Variants in DOCK1 observed in about 807,000 individuals in gnomAD.
The protein encoded by DOCK1 is dedicator of cytokinesis protein 1.
DOCK1 carries 138 observed loss-of-function variants against 262.7 expected under a neutral mutation model. That is an observed-to-expected ratio of 0.53 (90% CI 0.46 to 0.61). The LOEUF (loss-of-function observed/expected upper bound fraction) is 0.61. Among genes scored for constraint, DOCK1 ranks in the 20% least tolerant of loss-of-function variants. The probability of loss-of-function intolerance (pLI) is 0.00; values close to 1 mark genes in which losing one functional copy is unlikely to be tolerated. For synonymous variants in DOCK1, 866 were observed against 867.4 expected, an observed-to-expected ratio of 1.00 and a Z score of 0.03; for missense variants, 1,908 against 2,370.7, an observed-to-expected ratio of 0.80 and a Z score of 4.05.
intron 27 of DOCK1, among the ~76,000 whole-genome samples, chr10:127,223,979 G>C (rs2058539453): frequency 6.6e-6 from 1 of 152,182 alleles, no homozygotes; most frequent in South Asian, 2.1e-4. Flanking sequence ...AGCCCTTTCT[G>C]CCATGATAAC....
chr10:126,923,201 A>G (rs774793725), intron 1 of DOCK1, among the ~76,000 whole-genome samples: 1 of 152,254 alleles, frequency 6.6e-6, no homozygotes, highest in Non-Finnish European at 1.5e-5. Flanking sequence ...CATAGGCTGT[A>G]GTTTGCTGAC....
At chr10:127,438,455 A>G (rs2069845198) in intron 48 of DOCK1, among the ~76,000 whole-genome samples, 1 of 152,204 alleles carries the variant, frequency 6.6e-6, no homozygotes, top group Admixed American at 6.5e-5. Context: ...TGGCAGACCT[A>G]GAATGCAGGT....
At chr10:127,246,425 A>C (rs2059432796) in intron 27 of DOCK1, among the ~76,000 whole-genome samples, 3 of 152,222 alleles carry the variant, frequency 2.0e-5, no homozygotes, top group African/African-American at 7.2e-5. Context: ...CATTGTCATA[A>C]GGAGTAGACA....
At position 127,439,019 on chromosome 10, in the gene DOCK1, T is replaced by C; in HGVS notation, c.5061-8T>C. ...CTCCTATTAAGACGTCATTGACCTTTCCTTTAGGTTTGCCCTGGAGCCTCT... is the reference window on the plus strand; with the variant it reads ...CTCCTATTAAGACGTCATTGACCTTCCCTTTAGGTTTGCCCTGGAGCCTCT... On this transcript the variant is annotated splice_polypyrimidine_tract_variant and splice_region_variant and intron_variant, in intron 48 of 51. Coordinates refer to ENST00000623213, the MANE Select transcript of DOCK1 (RefSeq NM_001290223.2). 1 of 1,547,648 alleles carries C rather than the reference T, an allele frequency of 6.5e-7. No homozygotes were observed. The highest frequency in any genetic ancestry group is 8.7e-7 in the Non-Finnish European group (1 of 1,145,606).
intron 3 of DOCK1, among the ~76,000 whole-genome samples, chr10:126,980,376 G>T (rs1410508516): frequency 6.6e-6 from 1 of 151,838 alleles, no homozygotes; most frequent in Non-Finnish European, 1.5e-5. Flanking sequence ...AAAAAATTTC[G>T]GCAGTGAAAG....
At chr10:127,252,940 G>T (rs950533174) in intron 28 of DOCK1, among the ~76,000 whole-genome samples, 4 of 152,022 alleles carry the variant, frequency 2.6e-5, no homozygotes, top group Admixed American at 2.6e-4. Context: ...CTCAAATTTA[G>T]CCCTTTTTGG....
chr10:127,365,107 A>G (rs1416342824), intron 33 of DOCK1, among the ~76,000 whole-genome samples: 1 of 152,186 alleles, frequency 6.6e-6, no homozygotes, highest in Non-Finnish European at 1.5e-5. Context: ...TAATTACAAC[A>G]TAGCAACCAT....
rs909123933 is a variant in DOCK1 at position 126,940,593 on chromosome 10, G to A, written c.47-30109G>A. ...TAATTTTTGTATTTTTAGTAGAGAC[G>A]GAGTTTCACCATGTTGGCCAGGCTA... On this transcript the variant is annotated intron_variant, in intron 1 of 51. Transcript: ENST00000623213. Among the ~76,000 whole-genome samples the A allele has an allele frequency of 1.2e-3, 175 of 152,080 alleles. 1 individual carries two copies. The highest frequency in any genetic ancestry group is 4.0e-3 in the African/African-American group (168 of 41,486).
intron 23 of DOCK1, 129 bp downstream of exon 23, chr10:127,061,905 C>T: frequency 4.6e-6 from 2 of 434,954 alleles, no homozygotes; most frequent in Non-Finnish European, 4.0e-6. Context: ...TGTCAGAGAT[C>T]TCAATTTGAT....
At chr10:127,330,607 G>T (rs144748661) in intron 29 of DOCK1, among the ~76,000 whole-genome samples, 1 of 152,240 alleles carries the variant, frequency 6.6e-6, no homozygotes, top group Non-Finnish European at 1.5e-5. Flanking sequence ...GAATCATAAG[G>T]TACATAAATT....
chr10:127,414,385 C>T (rs1326734187), intron 43 of DOCK1, among the ~76,000 whole-genome samples: 2 of 152,190 alleles, frequency 1.3e-5, no homozygotes, highest in African/African-American at 2.4e-5. Context: ...CAGTTGACCC[C>T]TGCATTGGAG....
At chr10:126,952,860 A>T (rs1490556580) in intron 1 of DOCK1, among the ~76,000 whole-genome samples, 3 of 142,452 alleles carry the variant, frequency 2.1e-5, no homozygotes, top group Non-Finnish European at 4.6e-5. Context: ...ATTGTTGGTG[A>T]TGTGGTAGTA....
chr10:127,099,707 C>T (rs1195882609), intron 23 of DOCK1, among the ~76,000 whole-genome samples: 1 of 152,130 alleles, frequency 6.6e-6, no homozygotes, highest in African/African-American at 2.4e-5. Context: ...CATCTGAAAC[C>T]CTCCCCTATG....
chr10:127,203,354 A>T (rs537217186), intron 27 of DOCK1, among the ~76,000 whole-genome samples: 1 of 152,280 alleles, frequency 6.6e-6, no homozygotes, highest in African/African-American at 2.4e-5. Context: ...TGACTAACAC[A>T]CTGTGCATAT....
intron 23 of DOCK1, among the ~76,000 whole-genome samples, chr10:127,095,915 C>T (rs2047882227): frequency 2.0e-5 from 3 of 152,100 alleles, no homozygotes; most frequent in Admixed American, 6.5e-5. Context: ...TACAGAAACA[C>T]GCAGATACTT....
intron 12 of DOCK1, among the ~76,000 whole-genome samples, chr10:127,014,648 C>A (rs1203713084): frequency 6.6e-6 from 1 of 152,312 alleles, no homozygotes; most frequent in Non-Finnish European, 1.5e-5. Flanking sequence ...CATTCATTCT[C>A]CAGGGAGGCT....
chr10:127,327,150 G>A (rs961596400), intron 29 of DOCK1, among the ~76,000 whole-genome samples: 23 of 152,292 alleles, frequency 1.5e-4, no homozygotes, highest in Admixed American at 1.2e-3. Context: ...ACTTAAAGTC[G>A]CCAGCTGCCT....
At chr10:127,448,973 C>A (rs78302180) in intron 51 of DOCK1, among the ~76,000 whole-genome samples, 48 of 152,084 alleles carry the variant, frequency 3.2e-4, no homozygotes, top group African/African-American at 1.2e-3. Context: ...TTCATCATTC[C>A]CTTTGTATCA....
intron 27 of DOCK1, among the ~76,000 whole-genome samples, chr10:127,239,714 CTA>C (rs2059196038): frequency 6.6e-6 from 1 of 152,082 alleles, no homozygotes; most frequent in African/African-American, 2.4e-5. Context: ...TTCAGATCCT[CTA>C]TATCATGCGA....
Sources: allele counts gnomAD v4.1 joint callset (sites outside exome capture counted in the v4.1 genomes callset), GRCh38; gene constraint gnomAD v4.1.1; transcripts MANE v1.5; gene names NCBI Gene and HGNC (gene_info 2026-07-23, HGNC 2026-07-21).